The following PSG5 variants were observed in gnomAD, a reference collection of about 807,000 sequenced individuals.
PSG5 encodes the protein pregnancy specific beta-1-glycoprotein 5.
PSG5 carries 53 observed loss-of-function variants against 37.7 expected under a neutral mutation model. The ratio of observed to expected loss-of-function variants is 1.41; its 90% confidence interval spans 1.13 to 1.77. PSG5 has a LOEUF of 1.77. PSG5 is among the 40% of genes most tolerant of loss of function. The pLI is 0.00. For synonymous variants in PSG5, 221 were observed against 155.4 expected (o/e 1.42, Z -3.14); for missense variants, 547 against 405.2 (o/e 1.35, Z -3.00).
intron 2 of PSG5, among the ~76,000 whole-genome samples, chr19:43,184,370 A>C (rs561678949): frequency 6.6e-6 from 1 of 151,758 alleles, no homozygotes; most frequent in East Asian, 1.9e-4. Flanking sequence ...AACTGGAGCA[A>C]GGATTTAGGG....
chr19:43,167,892 T>C lies in PSG5; in HGVS notation c.*352A>G. 2.7e-6 allele frequency: 1 copy of C among 365,728 alleles called. No homozygotes were observed. Among genetic ancestry groups the C allele is most frequent in the East Asian group, 4.0e-5 (1 of 24,890 alleles). 22.7% of individuals were successfully genotyped at this position (365,728 alleles called of 1,614,324 possible). ...TTACCAATTGCTCAAGAAAAAAAGT[T>C]CATAAATCTGGAGAATAAAACATTC... On this transcript the variant is annotated 3_prime_UTR_variant, in exon 6 of 6. Transcript: ENST00000342951.
chr19:43,169,115 A>C (rs901720430), intron 5 of PSG5, among the ~76,000 whole-genome samples: 4 of 151,436 alleles, frequency 2.6e-5, no homozygotes, highest in Non-Finnish European at 4.4e-5. Flanking sequence ...GTGTAGCTCT[A>C]TTTCCCATCA....
chr19:43,183,121 C>T (rs1368474730), intron 2 of PSG5, among the ~76,000 whole-genome samples: 1 of 151,170 alleles, frequency 6.6e-6, no homozygotes, highest in African/African-American at 2.4e-5. Flanking sequence ...GCAGAGACAC[C>T]ATGGCAGTGA....
At chr19:43,184,190 AGTGTCAG>A (rs1287078859) in intron 2 of PSG5, among the ~76,000 whole-genome samples, 2 of 151,502 alleles carry the variant, frequency 1.3e-5, no homozygotes, top group Non-Finnish European at 2.9e-5. Context: ...CTCCACTCTG[AGTGTCAG>A]GTGAAGAAAG....
intron 2 of PSG5, chr19:43,180,273 C>T (rs1381211474): frequency 6.6e-6 from 1 of 151,524 alleles, no homozygotes; most frequent in Non-Finnish European, 1.5e-5. Context: ...CTAGAGATCT[C>T]CTGTGCAGCC....
At chr19:43,174,897 A>T (rs1388406168) in intron 4 of PSG5, 1 of 1,213,140 alleles carries the variant, frequency 8.2e-7, no homozygotes, top group Admixed American at 3.0e-5. Context: ...TGTGTTGGTG[A>T]CATCGAGAAG....
In PSG5 at chr19:43,186,503, T is replaced by G. The variant is rs567440401; in HGVS notation, c.-98A>C. On this transcript the variant is annotated 5_prime_UTR_variant, in exon 1 of 6. Coordinates refer to ENST00000342951, the MANE Select transcript of PSG5 (RefSeq NM_002781.4). ...GGCTGTGCTGTCCTTCCTCCTTCTGTGCTGAGCCTCTCTCCAGGGCAGGAG... is the reference window on the plus strand; with the variant it reads ...GGCTGTGCTGTCCTTCCTCCTTCTGGGCTGAGCCTCTCTCCAGGGCAGGAG... 1.3e-6 allele frequency: 2 copies of G among 1,562,632 alleles called. No homozygotes were observed. Among genetic ancestry groups the G allele is most frequent in the African/African-American group, 2.7e-5 (2 of 72,834 alleles).
At chr19:43,185,997 G>A (rs1306836485) in intron 1 of PSG5, among the ~76,000 whole-genome samples, 1 of 149,126 alleles carries the variant, frequency 6.7e-6, no homozygotes, top group Non-Finnish European at 1.5e-5. Flanking sequence ...ATTTTTTTGA[G>A]ACAGAGTCTC....
At chr19:43,181,155 T>C (rs894517028) in intron 2 of PSG5, among the ~76,000 whole-genome samples, 2 of 151,556 alleles carry the variant, frequency 1.3e-5, no homozygotes, top group African/African-American at 4.9e-5. Flanking sequence ...GCACAGGCAG[T>C]AAAACCATTA....
Position 43,184,639 on chromosome 19 carries a change from G to A in PSG5, c.430+143C>T. 10 of 1,480,110 alleles carry A rather than the reference G, an allele frequency of 6.8e-6. 1 individual carries two copies. Among genetic ancestry groups the A allele is most frequent in the Non-Finnish European group, 9.4e-6 (10 of 1,061,672 alleles). The allele number at this position is 1,480,110 out of a possible 1,614,324, so 91.7% of individuals were successfully genotyped here. A position where few individuals can be genotyped will look rare whatever the true frequency, so the allele number is the denominator to read the frequency against. ...GTTGAAATTTGTCTCCTCTGTGTGT[G>A]TCCTGCACTAAATGCCCAAACCGCA... On this transcript the variant is annotated intron_variant, in intron 2 of 5. Transcript: ENST00000342951.
chr19:43,185,245 C>G (rs1159535728), intron 1 of PSG5, 98 bp from the exon 2 acceptor site: 8 of 1,383,478 alleles, frequency 5.8e-6, no homozygotes, highest in South Asian at 1.4e-5. Flanking sequence ...AATCCTCAGC[C>G]TTGAAGACAC....
intron 4 of PSG5, 68 bp downstream of exon 4, chr19:43,175,147 A>G: frequency 6.2e-7 from 1 of 1,610,674 alleles, no homozygotes; most frequent in Non-Finnish European, 8.5e-7. Flanking sequence ...TGTTTTCCTA[A>G]CTCTTCTCTG....
Position 43,185,073 on chromosome 19 carries a change from C to A in PSG5, c.139G>T (p.Glu47Ter). 1 of 1,612,342 alleles carries A rather than the reference C, an allele frequency of 6.2e-7. No homozygotes were observed. The highest frequency in any genetic ancestry group is 8.5e-7 in the Non-Finnish European group (1 of 1,179,022). Residue 47 changes from glutamate to a stop codon, truncating the protein, a stop_gained, in exon 2 of 6, where the codon GAG (glutamate) becomes TAG (stop). Coordinates refer to ENST00000342951, the MANE Select transcript of PSG5 (RefSeq NM_002781.4). LOFTEE classifies it high-confidence loss of function. ...ACAAGTAGAAGAACATCCTTCCCCTCGGAAACTTTGGGTGGCAGGGCTTCA... is the reference window on the plus strand; with the variant it reads ...ACAAGTAGAAGAACATCCTTCCCCTAGGAAACTTTGGGTGGCAGGGCTTCA... The part of the protein sequence containing the change: ...TIEALPPKVS[E>*]GKDVLLLVHN...
intron 5 of PSG5, among the ~76,000 whole-genome samples, chr19:43,169,665 G>A (rs4028465): frequency 3.3e-5 from 5 of 151,776 alleles, no homozygotes; most frequent in Admixed American, 6.6e-5. Flanking sequence ...TAATGAGGCA[G>A]TCATATGCAA....
At position 43,185,016 on chromosome 19, in the gene PSG5, T is replaced by A. The variant is rs750184933; in HGVS notation, c.196A>T (p.Ile66Phe). The A allele has an allele frequency of 1.2e-6, 2 of 1,612,654 alleles. No individual in the cohort carries two copies. The highest frequency in any genetic ancestry group is 1.1e-5 in the South Asian group (1 of 91,040). ...HNLPQNLAGYIWYKGQLMDLY... is the reference protein window; with the variant it reads ...HNLPQNLAGYFWYKGQLMDLY... ...TCCATCAGTTGTCCTTTGTACCAGA[T>A]GTAGCCAGCAAGATTCTGAGGCAAA... The change falls in exon 2 of 6, where the codon ATC (isoleucine) becomes TTC (phenylalanine). Residue 66 changes from isoleucine (I) to phenylalanine (F), a missense_variant. Physicochemically the swap from Ile to Phe is conservative, Grantham distance 21 (BLOSUM62 0). Coordinates refer to ENST00000342951, the MANE Select transcript of PSG5 (RefSeq NM_002781.4).
chr19:43,170,094 G>C lies in PSG5; in HGVS notation c.*1C>G. 6.3e-7 allele frequency: 1 copy of C among 1,582,906 alleles called. No homozygotes were observed. The highest frequency in any genetic ancestry group is 2.3e-5 in the East Asian group (1 of 43,988). Reference sequence around the variant, plus strand: ...GAAATACAGAAATGACTTCACGGCTGCTATATTGGATTAAGGAGAGGAAGA... The same window carrying C: ...GAAATACAGAAATGACTTCACGGCTCCTATATTGGATTAAGGAGAGGAAGA... On this transcript the variant is annotated 3_prime_UTR_variant, in exon 5 of 6. Coordinates refer to ENST00000342951, the MANE Select transcript of PSG5 (RefSeq NM_002781.4).
At chr19:43,185,267 AACAC>A (rs374205959) in intron 1 of PSG5, 120 bp from the exon 2 acceptor site, 9 of 1,183,670 alleles carry the variant, frequency 7.6e-6, no homozygotes, top group Non-Finnish European at 1.1e-5. Flanking sequence ...CACACACACA[AACAC>A]ACACACACAC....
chr19:43,184,466 C>G (rs1357174875), intron 2 of PSG5, among the ~76,000 whole-genome samples: 1 of 151,566 alleles, frequency 6.6e-6, no homozygotes, highest in Non-Finnish European at 1.5e-5. Context: ...ACTCAGTTCT[C>G]CAGGGTCTTT....
chr19:43,178,421 A>G (rs1264946660), intron 2 of PSG5, among the ~76,000 whole-genome samples: 2 of 151,746 alleles, frequency 1.3e-5, no homozygotes, highest in Admixed American at 1.3e-4. Context: ...GAGATTGGGG[A>G]CTTCCCCTGT....
Sources: allele counts gnomAD v4.1 joint callset (sites outside exome capture counted in the v4.1 genomes callset), GRCh38; gene constraint gnomAD v4.1.1; transcripts MANE v1.5; gene names NCBI Gene and HGNC (gene_info 2026-07-23, HGNC 2026-07-21).